UBE3B: variants seen among roughly 807,000 people sequenced by gnomAD.
UBE3B encodes ubiquitin protein ligase E3B, also known as ubiquitin-protein ligase E3B.
In UBE3B, 80 loss-of-function variants were observed where a neutral mutation model predicts 132.3. The observed-to-expected ratio is 0.60, with a 90% CI of 0.50 to 0.73. The LOEUF (loss-of-function observed/expected upper bound fraction) is 0.73, where lower values mean the gene tolerates loss of function less well. Among genes scored for constraint, UBE3B ranks in the 30% least tolerant of loss-of-function variants. The pLI is 0.00. For synonymous variants in UBE3B, 487 were observed against 520.4 expected, an observed-to-expected ratio of 0.94 and a Z score of 0.87; for missense variants, 1,196 against 1,362.5, an observed-to-expected ratio of 0.88 and a Z score of 1.92.
chr12:109,534,885 T>C lies in UBE3B; in HGVS notation c.*103T>C. ...ATGTGACCAACATGCCAGGTGACAT[T>C]GGCCCCTAGACCCTCTCTATAGCCA... On this transcript the variant is annotated 3_prime_UTR_variant, in exon 28 of 28. Coordinates refer to ENST00000342494, the MANE Select transcript of UBE3B (RefSeq NM_130466.4). This position sits in a 1 kb window ranked among gnomAD's most constrained non-coding sequence, Gnocchi z 5.2. 1 of 1,042,118 alleles carries C rather than the reference T, an allele frequency of 9.6e-7. No homozygotes were observed. The highest frequency in any genetic ancestry group is 2.9e-5 in the Admixed American group (1 of 35,018). 64.6% of individuals were successfully genotyped at this position (1,042,118 alleles called of 1,614,324 possible). A position where few individuals can be genotyped will look rare whatever the true frequency, so the allele number is the denominator to read the frequency against.
chr12:109,538,862 C>T (rs536754785), downstream of UBE3B, among the ~76,000 whole-genome samples: 56 of 152,338 alleles, frequency 3.7e-4, no homozygotes, highest in African/African-American at 9.6e-4. This position sits in a 1 kb window ranked among gnomAD's most constrained non-coding sequence, Gnocchi z 4.1. Context: ...CCAGCCAAGG[C>T]GTTTCCAGGC....
chr12:109,479,597 C>T (rs749950650), intron 1 of UBE3B, among the ~76,000 whole-genome samples: 29 of 152,274 alleles, frequency 1.9e-4, no homozygotes, highest in Admixed American at 3.9e-4. Context: ...AAAATAAGTA[C>T]TTAATAAACA....
chr12:109,524,497 G>A lies in UBE3B; in HGVS notation c.2562G>A (p.Met854Ile). 1 of 1,614,082 alleles carries A rather than the reference G, an allele frequency of 6.2e-7. No individual in the cohort carries two copies. The highest frequency in any genetic ancestry group is 8.5e-7 in the Non-Finnish European group (1 of 1,179,948). ...CGCTGTCTTACGACGAGGACGTCATGGGTCAGGTAGGTCCGCCCTTTGGCT... is the reference window on the plus strand; with the variant it reads ...CGCTGTCTTACGACGAGGACGTCATAGGTCAGGTAGGTCCGCCCTTTGGCT... ...GLTLSYDEDVMGQLVCHELIP... is the reference protein window; with the variant it reads ...GLTLSYDEDVIGQLVCHELIP... Residue 854 changes from methionine to isoleucine, a missense_variant, in exon 23 of 28, where the codon ATG becomes ATA. By Grantham distance (10) the Met-to-Ile change is conservative (BLOSUM62 1). Coordinates refer to ENST00000342494, the MANE Select transcript of UBE3B (RefSeq NM_130466.4).
intron 27 of UBE3B, chr12:109,533,790 C>G (rs574851448): frequency 1.1e-6 from 1 of 884,938 alleles, no homozygotes; most frequent in South Asian, 1.4e-5. Context: ...TCTTTCCTTC[C>G]TCAGGGAAGG....
downstream of UBE3B, among the ~76,000 whole-genome samples, chr12:109,539,603 G>A (rs1431336562): frequency 1.3e-5 from 2 of 152,238 alleles, no homozygotes; most frequent in African/African-American, 4.8e-5. Flanking sequence ...GAAATGGGCT[G>A]AAAAGCCCCA....
At chr12:109,509,394 G>T (rs965744249) in intron 15 of UBE3B, 6 of 435,782 alleles carry the variant, frequency 1.4e-5, no homozygotes, top group Admixed American at 4.1e-5. Flanking sequence ...CATGCATTAG[G>T]TATTTGTCCT....
At chr12:109,512,241 C>A (rs1206437932) in intron 18 of UBE3B, among the ~76,000 whole-genome samples, 5 of 152,136 alleles carry the variant, frequency 3.3e-5, no homozygotes, top group African/African-American at 1.2e-4. Context: ...TCTGCTGACT[C>A]CCCCCATAAC....
chr12:109,533,876 A>T (rs1197771005), intron 27 of UBE3B: 2 of 1,308,400 alleles, frequency 1.5e-6, no homozygotes, highest in South Asian at 2.5e-5. Context: ...CTGAGGCAGC[A>T]TGGGAGAAAG....
intron 23 of UBE3B, among the ~76,000 whole-genome samples, chr12:109,525,009 G>A (rs1392653298): frequency 3.9e-5 from 6 of 152,072 alleles, no homozygotes; most frequent in Admixed American, 3.3e-4. Flanking sequence ...TTGTGTCCTG[G>A]TGGAGGTCCC....
chr12:109,516,303 C>T (rs1881047852), intron 18 of UBE3B, among the ~76,000 whole-genome samples: 1 of 151,302 alleles, frequency 6.6e-6, no homozygotes, highest in Non-Finnish European at 1.5e-5. Context: ...TCCCAAGTAG[C>T]TAGGATTACA....
intron 2 of UBE3B, among the ~76,000 whole-genome samples, chr12:109,482,046 GT>G (rs1421953486): frequency 2.0e-5 from 3 of 151,946 alleles, no homozygotes; most frequent in Non-Finnish European, 4.4e-5. Flanking sequence ...CTTTTTTTTG[GT>G]TATAAAAGGG....
In UBE3B at chr12:109,498,300, G is replaced by A. The variant is rs566138918; in HGVS notation, c.887G>A (p.Arg296Gln). The A allele has an allele frequency of 9.9e-6, 16 of 1,614,060 alleles. No individual in the cohort carries two copies. In the South Asian group the frequency reaches 1.3e-4, roughly 13 times the overall value. The change falls in exon 11 of 28, where the codon CGA becomes CAA. Residue 296 changes from arginine (R) to glutamine (Q), a missense_variant. Physicochemically the swap from Arg to Gln is conservative, Grantham distance 43. Transcript: ENST00000342494. The part of the protein sequence containing the change: ...KFIIFLRDQD[R>Q]CRDVCESLEG... ...ATCATATTTTTAAGAGACCAAGATC[G>A]ATGCCGTGATGTATGTGAAAGTTTA...
At chr12:109,512,420 C>G (rs1880490312) in intron 18 of UBE3B, among the ~76,000 whole-genome samples, 1 of 152,058 alleles carries the variant, frequency 6.6e-6, no homozygotes, top group South Asian at 2.1e-4. Flanking sequence ...TGGGCTGTGG[C>G]AGGAGCATCC....
At chr12:109,508,075 A>G (rs1456482438) in intron 15 of UBE3B, among the ~76,000 whole-genome samples, 1 of 150,952 alleles carries the variant, frequency 6.6e-6, no homozygotes, top group Non-Finnish European at 1.5e-5. Context: ...AGTCAGAGCC[A>G]GGGTGCAGAT....
intron 26 of UBE3B, among the ~76,000 whole-genome samples, chr12:109,532,935 CT>C (rs1883091067): frequency 6.6e-6 from 1 of 152,364 alleles, no homozygotes; most frequent in African/African-American, 2.4e-5. Flanking sequence ...GTGCAGTCCC[CT>C]CTGCATGAAT....
chr12:109,514,666 G>A (rs1466515005), intron 18 of UBE3B, among the ~76,000 whole-genome samples: 1 of 152,152 alleles, frequency 6.6e-6, no homozygotes, highest in Non-Finnish European at 1.5e-5. Flanking sequence ...ACAAACACCT[G>A]TTCTCAAAAG....
chr12:109,544,046 G>A, the UBE3B span, among the ~76,000 whole-genome samples: 1 of 152,132 alleles, frequency 6.6e-6, no homozygotes, highest in African/African-American at 2.4e-5. Flanking sequence ...CAGACTGCAG[G>A]GTGTGTTTGG....
intron 9 of UBE3B, 108 bp downstream of exon 9, chr12:109,491,235 C>G: frequency 2.0e-6 from 2 of 1,013,840 alleles, no homozygotes; most frequent in Non-Finnish European, 2.9e-6. Flanking sequence ...CCCATTTTGT[C>G]AGAATTTATG....
chr12:109,543,544 G>C, the UBE3B span, among the ~76,000 whole-genome samples: 1 of 152,232 alleles, frequency 6.6e-6, no homozygotes, highest in Non-Finnish European at 1.5e-5. Context: ...CACACTTTAA[G>C]AAGGATGCAG....
Sources: allele counts gnomAD v4.1 joint callset (sites outside exome capture counted in the v4.1 genomes callset), GRCh38; gene constraint gnomAD v4.1.1; non-coding constraint Gnocchi (gnomAD v3.1); transcripts MANE v1.5; gene names NCBI Gene and HGNC (gene_info 2026-07-23, HGNC 2026-07-21).